RBFOX1: variants seen among roughly 807,000 people sequenced by gnomAD.
RBFOX1 encodes the protein RNA binding fox-1 homolog 1.
In RBFOX1, 8 loss-of-function variants were observed where a neutral mutation model predicts 57.7. The ratio of observed to expected loss-of-function variants is 0.14; its 90% CI spans 0.08 to 0.25. The LOEUF (loss-of-function observed/expected upper bound fraction) is 0.25. RBFOX1 is among the 10% of genes least tolerant of loss of function. The probability of loss-of-function intolerance (pLI) is 1.00; values close to 1 mark genes in which losing one functional copy is unlikely to be tolerated. For missense variants in RBFOX1, 611 were observed against 548.5 expected (o/e 1.11, Z -1.14); for synonymous variants, 326 against 222.4 (o/e 1.47, Z -4.15).
At chr16:5,683,860 A>G (rs72765143) in intron 3 of RBFOX1, among the ~76,000 whole-genome samples, 2,446 of 150,648 alleles carry the variant, frequency 0.016, 37 homozygotes, top group Non-Finnish European at 0.022. Context: ...TTACATACAG[A>G]TACCTATATG....
intron 3 of RBFOX1, among the ~76,000 whole-genome samples, chr16:6,672,860 A>G (rs535369662): frequency 6.6e-6 from 1 of 152,236 alleles, no homozygotes; most frequent in African/African-American, 2.4e-5. Flanking sequence ...CTCTGATGTT[A>G]TGGGTCACTT....
intron 4 of RBFOX1, among the ~76,000 whole-genome samples, chr16:7,076,149 C>A (rs1182919744): frequency 6.6e-6 from 1 of 151,054 alleles, no homozygotes; most frequent in Non-Finnish European, 1.5e-5. Context: ...TCAAGTGATT[C>A]CCCTGCCTCA....
intron 4 of RBFOX1, among the ~76,000 whole-genome samples, chr16:5,993,064 C>T (rs79165163): frequency 0.023 from 3,488 of 152,284 alleles, 54 homozygotes; most frequent in Middle Eastern, 0.041. Context: ...TGCTTACCCA[C>T]AGGCCCTCTC....
intron 4 of RBFOX1, among the ~76,000 whole-genome samples, chr16:7,384,416 G>C (rs924926647): frequency 6.6e-6 from 1 of 152,224 alleles, no homozygotes; most frequent in Middle Eastern, 3.4e-3. Flanking sequence ...GGCTCTCCTG[G>C]TATTTTGGTT....
At chr16:5,280,475 C>T (rs1363984195) in intron 1 of RBFOX1, among the ~76,000 whole-genome samples, 9 of 152,188 alleles carry the variant, frequency 5.9e-5, no homozygotes, top group Non-Finnish European at 1.3e-4. Context: ...GAATTCCCTC[C>T]TCTTCAATTT....
At position 7,660,405 on chromosome 16, in the gene RBFOX1, G is replaced by C. The variant is rs8049985; in HGVS notation, c.891-4524G>C. On this transcript the variant is annotated intron_variant, in intron 12 of 15. Coordinates refer to ENST00000550418, the MANE Select transcript of RBFOX1 (RefSeq NM_018723.4). ...AACTCCCTTCTCTCCTAACTGTTCC[G>C]TGGTTAATTTATCTATAGCTGCACC... Among the ~76,000 whole-genome samples the C allele has an allele frequency of 3.3e-5, 5 of 152,048 alleles. No homozygotes were observed. In the South Asian group the frequency reaches 8.3e-4, roughly 25 times the overall value.
intron 2 of RBFOX1, among the ~76,000 whole-genome samples, chr16:6,347,942 T>G (rs761752879): frequency 4.6e-5 from 7 of 152,218 alleles, no homozygotes; most frequent in Non-Finnish European, 1.0e-4. Flanking sequence ...CATGTTTGCA[T>G]CTCAGCCTAG....
chr16:6,527,768 G>A (rs1349308844), intron 2 of RBFOX1, among the ~76,000 whole-genome samples: 1 of 152,096 alleles, frequency 6.6e-6, no homozygotes, highest in Non-Finnish European at 1.5e-5. Flanking sequence ...CCTTGTGGGC[G>A]AGTTAATGGT....
chr16:6,674,468 C>A (rs1021596920), intron 3 of RBFOX1, among the ~76,000 whole-genome samples: 30 of 151,988 alleles, frequency 2.0e-4, no homozygotes, highest in African/African-American at 6.5e-4. Context: ...ATTATAGGCA[C>A]CTGTCACCAT....
intron 3 of RBFOX1, among the ~76,000 whole-genome samples, chr16:5,740,248 C>A (rs531743632): frequency 6.6e-6 from 1 of 152,110 alleles, no homozygotes; most frequent in Admixed American, 6.5e-5. Context: ...CCCTGTTGAT[C>A]AGTCATCATC....
chr16:5,662,173 G>C (rs1322812790), intron 3 of RBFOX1, among the ~76,000 whole-genome samples: 1 of 152,046 alleles, frequency 6.6e-6, no homozygotes, highest in Non-Finnish European at 1.5e-5. Flanking sequence ...CAGAAAACTG[G>C]GATTCGTATC....
chr16:7,489,218 G>A (rs2066257888), intron 4 of RBFOX1, among the ~76,000 whole-genome samples: 1 of 152,146 alleles, frequency 6.6e-6, no homozygotes, highest in Admixed American at 6.6e-5. Context: ...TAGGGAACGT[G>A]TAACTGATAC....
chr16:6,005,908 A>G (rs532182282), intron 4 of RBFOX1, among the ~76,000 whole-genome samples: 1 of 152,344 alleles, frequency 6.6e-6, no homozygotes, highest in African/African-American at 2.4e-5. Flanking sequence ...GTGGGATGAC[A>G]GAAGAGACTA....
At chr16:7,440,865 C>A (rs938633273) in intron 4 of RBFOX1, among the ~76,000 whole-genome samples, 14 of 152,078 alleles carry the variant, frequency 9.2e-5, no homozygotes, top group African/African-American at 3.4e-4. Flanking sequence ...CCTAATATGC[C>A]AACTTCTGAT....
intron 4 of RBFOX1, among the ~76,000 whole-genome samples, chr16:7,132,074 C>G (rs2070606172): frequency 1.3e-5 from 2 of 149,830 alleles, no homozygotes; most frequent in South Asian, 4.2e-4. Flanking sequence ...TCACTGCAAC[C>G]TCTGCCGCCC....
intron 3 of RBFOX1, among the ~76,000 whole-genome samples, chr16:6,669,387 A>G (rs1302958388): frequency 1.3e-5 from 2 of 152,208 alleles, no homozygotes; most frequent in Non-Finnish European, 2.9e-5. Flanking sequence ...GCATAAAGCC[A>G]TAAAAACTGT....
chr16:5,265,956 C>T (rs1192791952), intron 1 of RBFOX1, among the ~76,000 whole-genome samples: 1 of 151,708 alleles, frequency 6.6e-6, no homozygotes, highest in Non-Finnish European at 1.5e-5. Context: ...GGTCTTGAGC[C>T]CAGCAGATGC....
rs2095034659 is a variant in RBFOX1 at position 6,019,969 on chromosome 16, A to G, written c.-150A>G. Reference sequence around the variant, plus strand: ...GGTCTGGGGCCGAGAACGTGACCGCAGCCGGGCTCGCCGGGAGTTCTAGGT... The same window carrying G: ...GGTCTGGGGCCGAGAACGTGACCGCGGCCGGGCTCGCCGGGAGTTCTAGGT... On this transcript the variant is annotated 5_prime_UTR_variant, in exon 1 of 16. Transcript: ENST00000550418. This position sits in a 1 kb window ranked among gnomAD's most constrained non-coding sequence, Gnocchi z 4.2. 1 of 1,531,018 alleles carries G rather than the reference A, an allele frequency of 6.5e-7. No homozygotes were observed. The highest frequency in any genetic ancestry group is 8.7e-7 in the Non-Finnish European group (1 of 1,143,670). The allele number at this position is 1,531,018 out of a possible 1,614,324, so 94.8% of individuals were successfully genotyped here. A position where few individuals can be genotyped will look rare whatever the true frequency, so the allele number is the denominator to read the frequency against.
intron 4 of RBFOX1, among the ~76,000 whole-genome samples, chr16:7,445,864 A>C (rs143097184): frequency 6.6e-6 from 1 of 152,358 alleles, no homozygotes; most frequent in African/African-American, 2.4e-5. Context: ...GGGTTAATAA[A>C]TGTCTGTTGA....
Sources: gnomAD v4.1 joint callset for allele counts (sites outside exome capture counted in the v4.1 genomes callset) on GRCh38, gnomAD v4.1.1 for gene constraint, Gnocchi (gnomAD v3.1) non-coding constraint, MANE v1.5 for transcripts, NCBI Gene and HGNC (gene_info 2026-07-23, HGNC 2026-07-21) for gene names.